The following MAP3K13 variants were observed in gnomAD, a reference collection of about 807,000 sequenced individuals.
MAP3K13 encodes mitogen-activated protein kinase kinase kinase 13.
MAP3K13 carries 52 observed loss-of-function variants against 104.0 expected under a neutral mutation model. That is an observed-to-expected ratio of 0.50 (90% confidence interval 0.40 to 0.63). MAP3K13 has a LOEUF of 0.63. Among genes scored for constraint, MAP3K13 ranks in the 20% least tolerant of loss-of-function variants. The probability of loss-of-function intolerance (pLI) is 0.00; values close to 1 mark genes in which losing one functional copy is unlikely to be tolerated. For missense variants in MAP3K13, 914 were observed against 1,218.5 expected (o/e 0.75, Z 3.72); for synonymous variants, 394 against 442.2 (o/e 0.89, Z 1.37).
At chr3:185,330,235 T>C (rs1462510054) in intron 2 of MAP3K13, among the ~76,000 whole-genome samples, 4 of 151,996 alleles carry the variant, frequency 2.6e-5, no homozygotes, top group African/African-American at 4.8e-5. Flanking sequence ...GGAGGAGTGC[T>C]CAGAAGAGAG....
At chr3:185,403,009 A>G (rs1432493570) in intron 1 of MAP3K13, among the ~76,000 whole-genome samples, 1 of 152,208 alleles carries the variant, frequency 6.6e-6, no homozygotes, top group African/African-American at 2.4e-5. Context: ...CCTATTTCTC[A>G]TATTTAGAAG....
chr3:185,296,369 A>G (rs1330589907), intron 2 of MAP3K13, among the ~76,000 whole-genome samples: 1 of 152,104 alleles, frequency 6.6e-6, no homozygotes, highest in African/African-American at 2.4e-5. Flanking sequence ...TCTACCATCT[A>G]TTGGACTACC....
chr3:185,326,271 G>A (rs1468526422), intron 2 of MAP3K13, among the ~76,000 whole-genome samples: 2 of 152,116 alleles, frequency 1.3e-5, no homozygotes, highest in African/African-American at 4.8e-5. Flanking sequence ...GGGATTCTCA[G>A]ACCCATGAAA....
At chr3:185,469,652 T>TCCTGCTG (rs1235098980) in intron 10 of MAP3K13, among the ~76,000 whole-genome samples, 1 of 152,194 alleles carries the variant, frequency 6.6e-6, no homozygotes, top group Non-Finnish European at 1.5e-5. Flanking sequence ...AAAACCCATC[T>TCCTGCTG]CCTGCTGCCT....
intron 7 of MAP3K13, among the ~76,000 whole-genome samples, chr3:185,453,176 G>C (rs538705566): frequency 6.6e-6 from 1 of 152,252 alleles, no homozygotes; most frequent in South Asian, 2.1e-4. Flanking sequence ...TATAACTTTT[G>C]AAATAAATGT....
chr3:185,451,240 C>A, intron 6 of MAP3K13, 47 bp from the exon 7 acceptor site: 4 of 1,346,338 alleles, frequency 3.0e-6, no homozygotes, highest in Non-Finnish European at 4.2e-6. Flanking sequence ...TCTTCATTCT[C>A]CTGGATACAA....
intron 2 of MAP3K13, among the ~76,000 whole-genome samples, chr3:185,307,625 C>T (rs1721340493): frequency 7.2e-6 from 1 of 139,410 alleles, no homozygotes; most frequent in South Asian, 2.4e-4. Context: ...CTCCCTGCAA[C>T]CTCCGCCTCC....
intron 1 of MAP3K13, among the ~76,000 whole-genome samples, chr3:185,386,958 C>T (rs1487382609): frequency 1.3e-5 from 2 of 152,136 alleles, no homozygotes; most frequent in African/African-American, 2.4e-5. Context: ...GGATGCTGGG[C>T]TTAATGCCTG....
chr3:185,380,959 GTT>G (rs542853065), intron 1 of MAP3K13, among the ~76,000 whole-genome samples: 3 of 113,576 alleles, frequency 2.6e-5, no homozygotes, highest in Non-Finnish European at 4.1e-5. Context: ...TTTTTTTTTT[GTT>G]TTTTTTTGTT....
chr3:185,342,044 G>C (rs1218907639), intron 2 of MAP3K13, among the ~76,000 whole-genome samples: 1 of 152,186 alleles, frequency 6.6e-6, no homozygotes, highest in African/African-American at 2.4e-5. Flanking sequence ...AGGAGACTCA[G>C]ATGTCCCTGC....
At chr3:185,354,098 C>T (rs1416611235) in intron 2 of MAP3K13, among the ~76,000 whole-genome samples, 2 of 152,088 alleles carry the variant, frequency 1.3e-5, no homozygotes, top group Non-Finnish European at 2.9e-5. Context: ...TATCGGCTAT[C>T]ATCTGGTCTA....
At chr3:185,454,725 GATATATATGAT>G (rs1560117386) in intron 7 of MAP3K13, among the ~76,000 whole-genome samples, 1 of 20,308 alleles carries the variant, frequency 4.9e-5, no homozygotes, top group South Asian at 3.1e-3. Flanking sequence ...AGATATATAT[GATATATATGAT>G]ATATATATCA....
At position 185,284,489 on chromosome 3, in the gene MAP3K13, G is replaced by C. The variant is rs907963243; in HGVS notation, c.-204-1036G>C. On this transcript the variant is annotated intron_variant, in intron 1 of 14. Coordinates refer to the MAP3K13 transcript ENST00000424227. The stretch of plus-strand genomic sequence containing the variant: ...CCAGCACTTTGCGAGGCCAAGGTGG[G>C]CGGATCACTTGAGGTCAGGAGTTCG... Among the ~76,000 whole-genome samples the C allele has an allele frequency of 2.0e-5, 3 of 152,108 alleles. No individual in the cohort carries two copies. In the South Asian group the frequency reaches 6.2e-4, roughly 31 times the overall value.
chr3:185,330,136 C>G (rs1436523623), intron 2 of MAP3K13, among the ~76,000 whole-genome samples: 2 of 148,868 alleles, frequency 1.3e-5, no homozygotes, highest in African/African-American at 5.0e-5. Context: ...CTCCTGACCT[C>G]GTGATCCACC....
intron 3 of MAP3K13, among the ~76,000 whole-genome samples, chr3:185,440,717 T>C (rs1447468222): frequency 6.6e-6 from 1 of 152,194 alleles, no homozygotes; most frequent in Non-Finnish European, 1.5e-5. Context: ...CACCTTCATA[T>C]GATCAGTGCC....
At chr3:185,332,226 TCC>T (rs10545329) in intron 2 of MAP3K13, among the ~76,000 whole-genome samples, 115,332 of 151,262 alleles carry the variant, frequency 0.76, 44,635 homozygotes, top group Middle Eastern at 0.84. Context: ...CAATGTGTAC[TCC>T]CCCCCCCCAT....
intron 7 of MAP3K13, among the ~76,000 whole-genome samples, chr3:185,455,158 A>G (rs1208969719): frequency 1.4e-4 from 7 of 50,498 alleles, no homozygotes; most frequent in African/African-American, 3.5e-4. Context: ...TGAGATATAT[A>G]TGATATATAT....
chr3:185,437,629 A>C lies in MAP3K13; in HGVS notation c.658A>C (p.Lys220Gln). 1.3e-6 allele frequency: 2 copies of C among 1,536,012 alleles called. No individual in the cohort carries two copies. The highest frequency in any genetic ancestry group is 1.7e-6 in the Non-Finnish European group (2 of 1,149,564). ...GAAGCACCCTAACATCATCGCATTCAAGTAGGTCAAGGCTTTTTTTTTTTA... is the reference window on the plus strand; with the variant it reads ...GAAGCACCCTAACATCATCGCATTCCAGTAGGTCAAGGCTTTTTTTTTTTA... ...KLKHPNIIAF[K>Q]GVCTQAPCYC... The change falls in exon 3 of 14, where the codon AAG becomes CAG. Residue 220 changes from lysine (K) to glutamine (Q), a missense_variant and splice_region_variant. Physicochemically the swap from Lys to Gln is moderately conservative, Grantham distance 53 (BLOSUM62 1). Transcript: ENST00000265026.
chr3:185,376,843 G>A (rs1315143634), intron 1 of MAP3K13, among the ~76,000 whole-genome samples: 1 of 152,082 alleles, frequency 6.6e-6, no homozygotes, highest in African/African-American at 2.4e-5. Flanking sequence ...GTCGAGATAG[G>A]TAATGGATGA....
Sources: gnomAD v4.1 joint callset for allele counts (sites outside exome capture counted in the v4.1 genomes callset) on GRCh38, gnomAD v4.1.1 for gene constraint, MANE v1.5 for transcripts, NCBI Gene and HGNC (gene_info 2026-07-23, HGNC 2026-07-21) for gene names.